Variants in ELSPBP1 observed in about 807,000 individuals in gnomAD.
ELSPBP1 encodes epididymal sperm-binding protein 1.
Under a neutral mutation model 33.3 loss-of-function variants are expected in ELSPBP1, and 38 were observed. The ratio of observed to expected loss-of-function variants is 1.14; its 90% CI spans 0.88 to 1.50. ELSPBP1 has a LOEUF of 1.50. ELSPBP1 is among the 40% of genes most tolerant of loss of function. ELSPBP1 has a pLI of 0.00. For synonymous variants in ELSPBP1, 85 were observed against 94.1 expected, an observed-to-expected ratio of 0.90 and a Z score of 0.56; for missense variants, 267 against 263.5, an observed-to-expected ratio of 1.01 and a Z score of -0.09.
intron 1 of ELSPBP1, among the ~76,000 whole-genome samples, chr19:48,002,532 T>C (rs11880413): frequency 0.26 from 39,060 of 152,098 alleles, 5,116 homozygotes; most frequent in Admixed American, 0.3. Flanking sequence ...GGCTCATGCC[T>C]GTAATCCCAG....
intron 4 of ELSPBP1, 100 bp downstream of exon 4, chr19:48,016,139 CA>C (rs1568407179): frequency 2.9e-6 from 4 of 1,402,334 alleles, no homozygotes; most frequent in Non-Finnish European, 3.9e-6. Flanking sequence ...CCAGAGCACC[CA>C]GGGGGAAGTA....
intron 5 of ELSPBP1, among the ~76,000 whole-genome samples, chr19:48,021,022 C>G (rs1967194177): frequency 6.6e-6 from 1 of 152,194 alleles, no homozygotes; most frequent in Non-Finnish European, 1.5e-5. Context: ...CATTTACCCT[C>G]TGTTGCCTCA....
intron 4 of ELSPBP1, among the ~76,000 whole-genome samples, chr19:48,017,392 A>T (rs1220174533): frequency 6.6e-6 from 1 of 152,166 alleles, no homozygotes; most frequent in Non-Finnish European, 1.5e-5. Flanking sequence ...CTTAAATCTC[A>T]CTATAGCTTT....
At chr19:47,998,048 G>A (rs1397714903) in intron 1 of ELSPBP1, among the ~76,000 whole-genome samples, 1 of 152,130 alleles carries the variant, frequency 6.6e-6, no homozygotes, top group Non-Finnish European at 1.5e-5. Context: ...TCTGACCTAG[G>A]TTTGCTAGTG....
rs1319910693 is a variant in ELSPBP1, at chr19:48,000,357, C to T, written c.-18+5546C>T. Among the ~76,000 whole-genome samples the T allele has an allele frequency of 2.6e-5, 4 of 152,038 alleles. No homozygotes were observed. The South Asian group carries it at 8.3e-4, about 32-fold the overall frequency. ...CTGGGTTCAAGCAATTCTCCTGCCTCAGTCTCCTGAGTAGCTGGGATTACA... is the reference window on the plus strand; with the variant it reads ...CTGGGTTCAAGCAATTCTCCTGCCTTAGTCTCCTGAGTAGCTGGGATTACA... On this transcript the variant is annotated intron_variant, in intron 1 of 6. Coordinates refer to ENST00000339841, the MANE Select transcript of ELSPBP1 (RefSeq NM_022142.5).
chr19:48,015,897 C>G lies in ELSPBP1; in HGVS notation c.213C>G (p.Tyr71Ter). 6.2e-7 allele frequency: 1 copy of G among 1,607,316 alleles called. No individual in the cohort carries two copies. Among genetic ancestry groups the G allele is most frequent in the Non-Finnish European group, 8.5e-7 (1 of 1,174,512 alleles). ...CACGAACTCTGTTCCTAACAGATTA[C>G]CCACGCTGTATCTTCCCTTTCATCT... Reference protein sequence around the residue: ...GQWKYCQSEDYPRCIFPFIYR... With the variant: ...GQWKYCQSED Residue 71 changes from tyrosine to a stop codon, truncating the protein, a stop_gained, in exon 4 of 7, where the codon TAC becomes TAG. Coordinates refer to ENST00000339841, the MANE Select transcript of ELSPBP1 (RefSeq NM_022142.5). LOFTEE classifies it high-confidence loss of function.
In ELSPBP1 at chr19:48,011,872, CTG is replaced by C. The variant is rs2122314519; in HGVS notation, c.71-2298_71-2297del. Among the ~76,000 whole-genome samples the C allele has an allele frequency of 6.6e-6, 1 of 152,094 alleles. No individual in the cohort carries two copies. The highest frequency in any genetic ancestry group is 1.5e-5 in the Non-Finnish European group (1 of 67,998). On this transcript the variant is annotated intron_variant, in intron 2 of 6. Transcript: ENST00000339841. The surrounding 1 kb of genome is among the most constrained non-coding windows in gnomAD (Gnocchi z 4.5). ...CTTCTAAGCACTTTCCAGATTTAAA[CTG>C]GTTTAAGTTTCACAAAAATAAATAC... is the stretch of plus-strand genomic sequence containing the variant.
intron 2 of ELSPBP1, among the ~76,000 whole-genome samples, chr19:48,012,219 A>G (rs1967086804): frequency 6.6e-6 from 1 of 152,134 alleles, no homozygotes; most frequent in Non-Finnish European, 1.5e-5. Flanking sequence ...TCAACTACTC[A>G]GGCTCAAAGG....
intron 4 of ELSPBP1, among the ~76,000 whole-genome samples, chr19:48,018,505 A>G (rs1013587776): frequency 1.3e-5 from 2 of 152,228 alleles, no homozygotes. Flanking sequence ...AGTAATAATT[A>G]TCATAACATA....
intron 1 of ELSPBP1, among the ~76,000 whole-genome samples, chr19:48,006,665 T>C (rs1419211445): frequency 1.5e-5 from 2 of 137,242 alleles, no homozygotes; most frequent in Non-Finnish European, 3.2e-5. Context: ...AAAAGAAAAT[T>C]TAAGTAATTT....
At chr19:48,006,483 A>G (rs1967018498) in intron 1 of ELSPBP1, among the ~76,000 whole-genome samples, 1 of 151,834 alleles carries the variant, frequency 6.6e-6, no homozygotes, top group Non-Finnish European at 1.5e-5. Flanking sequence ...GCGTGGTGGC[A>G]CGTGCCTGTA....
chr19:47,998,763 G>A lies in ELSPBP1; in HGVS notation c.-18+3952G>A, dbSNP rs180952944. On this transcript the variant is annotated intron_variant, in intron 1 of 6. Transcript: ENST00000339841. Reference sequence around the variant, plus strand: ...GATCGCGCCACTGCATTCCAGCCTGGGTGACAGAGCCAGACTCCGTCTCAA... The same window carrying A: ...GATCGCGCCACTGCATTCCAGCCTGAGTGACAGAGCCAGACTCCGTCTCAA... Among the ~76,000 whole-genome samples the A allele has an allele frequency of 1.6e-3, 241 of 148,086 alleles. 3 individuals are homozygous for A. Among genetic ancestry groups the A allele is most frequent in the African/African-American group, 5.8e-3 (230 of 39,868 alleles).
chr19:48,007,624 C>G (rs574466124), intron 1 of ELSPBP1, among the ~76,000 whole-genome samples: 1 of 152,250 alleles, frequency 6.6e-6, no homozygotes, highest in African/African-American at 2.4e-5. Context: ...GAAAATAGAG[C>G]TAGTAATAAC....
chr19:48,023,242 G>A (rs1600114230), intron 6 of ELSPBP1, among the ~76,000 whole-genome samples: 1 of 128,148 alleles, frequency 7.8e-6, no homozygotes, highest in African/African-American at 3.0e-5. Flanking sequence ...GGAAGAAAGA[G>A]GAAAGAAAGG....
At chr19:48,005,654 T>C (rs567295085) in intron 1 of ELSPBP1, among the ~76,000 whole-genome samples, 1 of 152,330 alleles carries the variant, frequency 6.6e-6, no homozygotes, top group Non-Finnish European at 1.5e-5. Flanking sequence ...CAATACTATA[T>C]GAACAATACT....
intron 5 of ELSPBP1, among the ~76,000 whole-genome samples, chr19:48,020,404 CT>C (rs1226808788): frequency 6.6e-6 from 1 of 152,050 alleles, no homozygotes; most frequent in Non-Finnish European, 1.5e-5. Context: ...TAAAGTGCAC[CT>C]GTTCACAGTA....
intron 2 of ELSPBP1, 73 bp from the exon 3 acceptor site, chr19:48,014,098 C>A: frequency 2.0e-6 from 3 of 1,537,488 alleles, no homozygotes; most frequent in African/African-American, 1.4e-5. Flanking sequence ...AAAGCAAGAG[C>A]CAAACCAAGA....
At chr19:48,001,924 T>C (rs901174440) in intron 1 of ELSPBP1, among the ~76,000 whole-genome samples, 2 of 152,110 alleles carry the variant, frequency 1.3e-5, no homozygotes, top group Non-Finnish European at 2.9e-5. Flanking sequence ...CTCAAACTCC[T>C]GGGCTTGAGT....
chr19:48,004,459 G>T (rs1600102558), intron 1 of ELSPBP1, among the ~76,000 whole-genome samples: 2 of 152,134 alleles, frequency 1.3e-5, no homozygotes, highest in Non-Finnish European at 2.9e-5. Context: ...GCCCAGCCTG[G>T]GCCTTAGCCA....
Sources: allele counts gnomAD v4.1 joint callset (sites outside exome capture counted in the v4.1 genomes callset), GRCh38; gene constraint gnomAD v4.1.1; non-coding constraint Gnocchi (gnomAD v3.1); transcripts MANE v1.5; gene names NCBI Gene and HGNC (gene_info 2026-07-23, HGNC 2026-07-21).